Variants in ERC2 observed in about 807,000 individuals in gnomAD.
ERC2 encodes the protein ELKS/RAB6-interacting/CAST family member 2, also known as ERC protein 2.
ERC2 carries 42 observed loss-of-function variants against 114.8 expected under a neutral mutation model. That is an observed-to-expected ratio of 0.37 (90% CI 0.29 to 0.47). The LOEUF is 0.47. ERC2 is among the 20% of genes least tolerant of loss of function. ERC2 has a pLI of 0.99. For synonymous variants in ERC2, 454 were observed against 425.5 expected (o/e 1.07, Z -0.82); for missense variants, 939 against 1,150.7 (o/e 0.82, Z 2.66).
chr3:56,231,739 C>T (rs116810736), intron 3 of ERC2, among the ~76,000 whole-genome samples: 43 of 152,258 alleles, frequency 2.8e-4, no homozygotes, highest in African/African-American at 9.6e-4. Flanking sequence ...CTAAGCACTA[C>T]CGTCAGCTGA....
chr3:56,397,012 A>G (rs1037108378), intron 2 of ERC2, among the ~76,000 whole-genome samples: 1 of 152,156 alleles, frequency 6.6e-6, no homozygotes, highest in African/African-American at 2.4e-5. Context: ...CTGTTAGGGC[A>G]CAAGCTCCTA....
chr3:55,775,968 A>T (rs1038254914), intron 14 of ERC2, among the ~76,000 whole-genome samples: 3 of 152,154 alleles, frequency 2.0e-5, no homozygotes, highest in Non-Finnish European at 4.4e-5. Context: ...ACCACAGGAG[A>T]AGAAGGATAA....
intron 14 of ERC2, among the ~76,000 whole-genome samples, chr3:55,745,058 T>C (rs1282160802): frequency 6.6e-6 from 1 of 152,252 alleles, no homozygotes; most frequent in Non-Finnish European, 1.5e-5. Flanking sequence ...GTCTCTTACT[T>C]TCAAGACAAA....
At chr3:55,967,459 A>G (rs1330773759) in intron 12 of ERC2, among the ~76,000 whole-genome samples, 2 of 152,190 alleles carry the variant, frequency 1.3e-5, no homozygotes. Flanking sequence ...TCTGATTACT[A>G]TTAGGCCCTT....
At chr3:56,373,579 C>CA (rs151200705) in intron 2 of ERC2, among the ~76,000 whole-genome samples, 2,148 of 152,274 alleles carry the variant, frequency 0.014, 58 homozygotes, top group African/African-American at 0.048. Flanking sequence ...ATGCTGGAAA[C>CA]AGACAGCAGC....
chr3:56,239,798 T>C (rs977396006), intron 3 of ERC2, among the ~76,000 whole-genome samples: 1 of 152,230 alleles, frequency 6.6e-6, no homozygotes, highest in Non-Finnish European at 1.5e-5. Flanking sequence ...TGTAGTATGT[T>C]CTATTCCCAT....
intron 1 of ERC2, among the ~76,000 whole-genome samples, chr3:56,453,478 A>G (rs942105853): frequency 3.3e-5 from 5 of 152,148 alleles, no homozygotes; most frequent in South Asian, 2.1e-4. Context: ...AGCTACCACA[A>G]ACACAGTGCT....
intron 2 of ERC2, among the ~76,000 whole-genome samples, chr3:56,322,616 A>T (rs1053780790): frequency 9.2e-5 from 14 of 152,342 alleles, no homozygotes; most frequent in African/African-American, 3.4e-4. Flanking sequence ...TTTCAAGAAC[A>T]GTGATTCCTG....
At chr3:55,531,154 T>A (rs1360425382) in intron 17 of ERC2, among the ~76,000 whole-genome samples, 1 of 152,134 alleles carries the variant, frequency 6.6e-6, no homozygotes, top group East Asian at 1.9e-4. Flanking sequence ...GAGGAAAGAC[T>A]TGATTATTAA....
intron 14 of ERC2, among the ~76,000 whole-genome samples, chr3:55,741,924 T>C (rs1351083204): frequency 2.0e-5 from 3 of 151,498 alleles, no homozygotes; most frequent in African/African-American, 4.8e-5. Context: ...TGGGCAACAA[T>C]AGAGGAAAAA....
chr3:55,915,191 A>T (rs4974150), intron 13 of ERC2, among the ~76,000 whole-genome samples: 13,214 of 152,224 alleles, frequency 0.087, 850 homozygotes, highest in East Asian at 0.24. Flanking sequence ...ATGCTGTTTA[A>T]CATTATTTCA....
rs574113431 is a variant in ERC2 at position 55,706,700 on chromosome 3, C to T, written c.2713-7188G>A. On this transcript the variant is annotated intron_variant, in intron 15 of 17. Coordinates refer to ENST00000288221, the MANE Select transcript of ERC2 (RefSeq NM_015576.3). ...GCAATGGAATTACAGGCGTGAGCTA[C>T]CTCACCCAGCTTGGGGTCTGTTTTT... 2.6e-5 allele frequency among the ~76,000 whole-genome samples: 4 copies of T among 152,284 alleles called. No individual in the cohort carries two copies. The East Asian group carries it at 5.8e-4, about 22-fold the overall frequency.
intron 3 of ERC2, among the ~76,000 whole-genome samples, chr3:56,248,358 T>G (rs1320664541): frequency 6.6e-6 from 1 of 152,182 alleles, no homozygotes; most frequent in Non-Finnish European, 1.5e-5. Flanking sequence ...CCTCCCAAAC[T>G]GCTAGGATTA....
intron 14 of ERC2, among the ~76,000 whole-genome samples, chr3:55,762,194 T>C (rs1575521569): frequency 1.3e-5 from 2 of 152,308 alleles, no homozygotes; most frequent in South Asian, 4.1e-4. Context: ...CATACTTTCC[T>C]GACTCATGTC....
At chr3:56,342,382 C>A (rs2058123065) in intron 2 of ERC2, among the ~76,000 whole-genome samples, 1 of 152,188 alleles carries the variant, frequency 6.6e-6, no homozygotes, top group South Asian at 2.1e-4. Context: ...TCCATAATAA[C>A]AAATATCCCT....
chr3:55,623,803 C>T (rs1320952365), intron 17 of ERC2, among the ~76,000 whole-genome samples: 7 of 152,226 alleles, frequency 4.6e-5, no homozygotes, highest in Admixed American at 4.6e-4. Context: ...ACTTCCCCTC[C>T]CCTGTCCAGG....
At chr3:55,525,547 G>T (rs1027622804) in intron 17 of ERC2, among the ~76,000 whole-genome samples, 1 of 152,208 alleles carries the variant, frequency 6.6e-6, no homozygotes, top group Non-Finnish European at 1.5e-5. Context: ...AGTGGAAGAG[G>T]GAAGAGAGGA....
intron 7 of ERC2, among the ~76,000 whole-genome samples, chr3:56,030,484 G>A (rs1336664618): frequency 6.6e-6 from 1 of 151,842 alleles, no homozygotes; most frequent in Non-Finnish European, 1.5e-5. Flanking sequence ...TTTCTTTCAT[G>A]TATTTTGAAG....
chr3:55,742,623 C>T (rs140567064), intron 14 of ERC2, among the ~76,000 whole-genome samples: 8 of 152,220 alleles, frequency 5.3e-5, no homozygotes, highest in Admixed American at 2.0e-4. Context: ...GGAAAAAGTC[C>T]GCTCAATCAA....
Sources: allele counts gnomAD v4.1 joint callset (sites outside exome capture counted in the v4.1 genomes callset), GRCh38; gene constraint gnomAD v4.1.1; transcripts MANE v1.5; gene names NCBI Gene and HGNC (gene_info 2026-07-23, HGNC 2026-07-21).